Variants in WLS observed in about 807,000 individuals in gnomAD.
WLS encodes the protein protein wntless homolog.
A neutral mutation model predicts 62.8 loss-of-function variants in WLS; 23 were observed. The ratio of observed to expected loss-of-function variants is 0.37; its 90% CI spans 0.26 to 0.52. WLS has a LOEUF of 0.52. Among genes scored for constraint, WLS ranks in the 20% least tolerant of loss-of-function variants. The probability of loss-of-function intolerance (pLI) is 0.92; values close to 1 mark genes in which losing one functional copy is unlikely to be tolerated. For missense variants in WLS, 615 were observed against 697.3 expected, an observed-to-expected ratio of 0.88 and a Z score of 1.33; for synonymous variants, 246 against 244.1, an observed-to-expected ratio of 1.01 and a Z score of -0.07.
chr1:68,230,047 C>T (rs1374627888), intron 1 of WLS, among the ~76,000 whole-genome samples: 2 of 152,120 alleles, frequency 1.3e-5, no homozygotes, highest in East Asian at 3.9e-4. Context: ...AGTGTTCTGA[C>T]CCTATAGTCG....
intron 11 of WLS, among the ~76,000 whole-genome samples, chr1:68,106,047 A>C (rs528196140): frequency 6.6e-5 from 10 of 152,248 alleles, no homozygotes; most frequent in African/African-American, 1.9e-4. Flanking sequence ...TTAATATGAA[A>C]AATCAAGTAC....
chr1:68,102,322 C>T (rs891924656), intron 11 of WLS, among the ~76,000 whole-genome samples: 3 of 152,144 alleles, frequency 2.0e-5, no homozygotes, highest in Non-Finnish European at 2.9e-5. Context: ...TCCTAAACAG[C>T]GGGCTCTCTT....
At chr1:68,119,128 TAA>T (rs1646333645) in intron 11 of WLS, among the ~76,000 whole-genome samples, 1 of 152,038 alleles carries the variant, frequency 6.6e-6, no homozygotes, top group East Asian at 1.9e-4. Flanking sequence ...ACTATAATAG[TAA>T]AGTCATGAAA....
chr1:68,194,669 A>G (rs1053441676), intron 1 of WLS, among the ~76,000 whole-genome samples: 5 of 152,224 alleles, frequency 3.3e-5, no homozygotes, highest in Admixed American at 6.5e-5. Context: ...TGGGTAAGTC[A>G]GTTAAATCTG....
chr1:68,099,573 G>A (rs1373711468), intron 11 of WLS, among the ~76,000 whole-genome samples: 1 of 151,974 alleles, frequency 6.6e-6, no homozygotes, highest in African/African-American at 2.4e-5. Flanking sequence ...ATGGCATAAG[G>A]GACCATTTGC....
At position 68,110,688 on chromosome 1, in the gene WLS, T is replaced by TCTCC. The variant is rs1646216180; in HGVS notation, c.1511-11939_1511-11936dup. 4.0e-5 allele frequency among the ~76,000 whole-genome samples: 6 copies of TCTCC among 150,070 alleles called. 1 individual carries two copies. Among genetic ancestry groups the TCTCC allele is most frequent in the African/African-American group, 1.5e-4 (6 of 40,676 alleles). On this transcript the variant is annotated intron_variant, in intron 11 of 11. Coordinates refer to the WLS transcript ENST00000354777. ...CTCTCTCTCTCTCTCTCTCTCTCTCTCTCCATATATATATGTGTGTGTATG... is the reference window on the plus strand; with the variant it reads ...CTCTCTCTCTCTCTCTCTCTCTCTCTCTCCCTCCATATATATATGTGTGTGTATG...
In WLS at chr1:68,125,598, G is replaced by T. The variant is rs1646418091; in HGVS notation, c.*628C>A. ...ACATCCAACAGATTGGTTAGTATTA[G>T]ATACACAGATTTGGTTTCAAAGCTG... On this transcript the variant is annotated 3_prime_UTR_variant, in exon 12 of 12. Coordinates refer to ENST00000262348, the MANE Select transcript of WLS (RefSeq NM_024911.7). 1.0e-6 allele frequency: 1 copy of T among 985,390 alleles called. No individual in the cohort carries two copies. Among genetic ancestry groups the T allele is most frequent in the South Asian group, 4.7e-5 (1 of 21,292 alleles). The allele number at this position is 985,390 out of a possible 1,614,324, so 61.0% of individuals were successfully genotyped here.
At chr1:68,147,882 T>C (rs903205022) in intron 8 of WLS, among the ~76,000 whole-genome samples, 5 of 152,216 alleles carry the variant, frequency 3.3e-5, no homozygotes, top group African/African-American at 1.2e-4. Flanking sequence ...CAGGCTGCAG[T>C]AAGCCTAGCA....
chr1:68,152,250 G>A (rs942850722), intron 5 of WLS, among the ~76,000 whole-genome samples: 1 of 152,226 alleles, frequency 6.6e-6, no homozygotes, highest in Non-Finnish European at 1.5e-5. Context: ...TTTGGGTCCA[G>A]AGTTGGGAGA....
intron 11 of WLS, among the ~76,000 whole-genome samples, chr1:68,103,014 G>A (rs940452249): frequency 1.3e-5 from 2 of 152,162 alleles, no homozygotes; most frequent in Non-Finnish European, 2.9e-5. Flanking sequence ...ACTGTCACCA[G>A]TGTCTTGAGA....
At chr1:68,201,749 A>G (rs1649029704) in intron 1 of WLS, among the ~76,000 whole-genome samples, 1 of 152,206 alleles carries the variant, frequency 6.6e-6, no homozygotes, top group South Asian at 2.1e-4. Context: ...CTGAACCACT[A>G]CCACCAAAAC....
intron 11 of WLS, chr1:68,098,808 G>A: frequency 1.3e-6 from 2 of 1,574,460 alleles, no homozygotes; most frequent in East Asian, 2.3e-5. Flanking sequence ...AAAAAAATAT[G>A]TAACATGGAG....
intron 11 of WLS, among the ~76,000 whole-genome samples, chr1:68,115,532 G>A (rs772734614): frequency 9.2e-5 from 14 of 152,200 alleles, no homozygotes; most frequent in Non-Finnish European, 2.9e-5. Context: ...CACAGGGCAA[G>A]TCACTCAACC....
At chr1:68,222,764 T>C (rs1410256157) in intron 1 of WLS, among the ~76,000 whole-genome samples, 1 of 152,096 alleles carries the variant, frequency 6.6e-6, no homozygotes, top group Non-Finnish European at 1.5e-5. Context: ...TCAGCTTCTA[T>C]TCAGGACAAA....
intron 1 of WLS, among the ~76,000 whole-genome samples, chr1:68,215,335 T>C (rs1338827676): frequency 6.6e-6 from 1 of 152,212 alleles, no homozygotes; most frequent in Non-Finnish European, 1.5e-5. Context: ...AAAATATATG[T>C]AGCCAGTAGG....
intron 1 of WLS, among the ~76,000 whole-genome samples, chr1:68,209,112 T>A (rs1649403031): frequency 6.6e-6 from 1 of 151,928 alleles, no homozygotes; most frequent in Non-Finnish European, 1.5e-5. Flanking sequence ...TAGCTGCCAG[T>A]AGCATCTTCA....
chr1:68,231,961 T>C (rs1650449088), intron 1 of WLS: 1 of 599,274 alleles, frequency 1.7e-6, no homozygotes, highest in Admixed American at 2.6e-5. Context: ...CTCTTGCCTT[T>C]CAAGTGGATA....
chr1:68,214,702 T>C (rs1323018721), intron 1 of WLS, among the ~76,000 whole-genome samples: 1 of 152,202 alleles, frequency 6.6e-6, no homozygotes, highest in Non-Finnish European at 1.5e-5. Context: ...CAGTTTCTTT[T>C]GGTTGTAAGA....
intron 11 of WLS, among the ~76,000 whole-genome samples, chr1:68,131,525 C>T (rs537672847): frequency 6.6e-6 from 1 of 152,118 alleles, no homozygotes; most frequent in South Asian, 2.1e-4. Flanking sequence ...CTGTCAACCC[C>T]AGAGGTCATT....
Sources: gnomAD v4.1 joint callset for allele counts (sites outside exome capture counted in the v4.1 genomes callset) on GRCh38, gnomAD v4.1.1 for gene constraint, MANE v1.5 for transcripts, NCBI Gene and HGNC (gene_info 2026-07-23, HGNC 2026-07-21) for gene names.